The following USH2A variants were observed in gnomAD, a reference collection of about 807,000 sequenced individuals.
USH2A encodes Usher syndrome 2A (autosomal recessive, mild).
USH2A carries 443 observed loss-of-function variants against 538.9 expected under a neutral mutation model. That is an observed-to-expected ratio of 0.82 (90% CI 0.76 to 0.89). USH2A has a LOEUF of 0.89. USH2A is among the 40% of genes least tolerant of loss of function. The probability of loss-of-function intolerance (pLI) is 0.00; values close to 1 mark genes in which losing one functional copy is unlikely to be tolerated. For missense variants in USH2A, 6,633 were observed against 6,324.8 expected (o/e 1.05, Z -1.65); for synonymous variants, 2,413 against 2,273.5 (o/e 1.06, Z -1.75).
intron 21 of USH2A, 109 bp downstream of exon 21, chr1:216,175,143 T>C (rs2034349773): frequency 6.5e-7 from 1 of 1,542,894 alleles, no homozygotes. Flanking sequence ...GCTGAATTAG[T>C]ATTTCTCTAA....
At chr1:215,988,394 T>C (rs1377991203) in intron 35 of USH2A, among the ~76,000 whole-genome samples, 2 of 152,226 alleles carry the variant, frequency 1.3e-5, no homozygotes, top group Non-Finnish European at 2.9e-5. Context: ...TGATATGCCA[T>C]TGTGTAAATA....
chr1:215,913,848 T>C (rs1665876703), intron 38 of USH2A, among the ~76,000 whole-genome samples: 1 of 151,992 alleles, frequency 6.6e-6, no homozygotes, highest in African/African-American at 2.4e-5. Flanking sequence ...CATTCTTATA[T>C]GGATCAATAA....
At chr1:215,712,294 G>A (rs1659358864) in intron 61 of USH2A, among the ~76,000 whole-genome samples, 1 of 152,180 alleles carries the variant, frequency 6.6e-6, no homozygotes, top group South Asian at 2.1e-4. Flanking sequence ...TGATAGCATA[G>A]GTCCTGGTAT....
intron 9 of USH2A, among the ~76,000 whole-genome samples, chr1:216,304,534 T>A (rs568919187): frequency 7.7e-4 from 117 of 152,176 alleles, no homozygotes; most frequent in African/African-American, 1.4e-3. Flanking sequence ...ATACTTTTTT[T>A]AATTTCCTTA....
At chr1:216,195,127 T>C (rs1041056942) in intron 19 of USH2A, among the ~76,000 whole-genome samples, 1 of 152,138 alleles carries the variant, frequency 6.6e-6, no homozygotes, top group Non-Finnish European at 1.5e-5. Context: ...CAAATAGCCA[T>C]GCAGCTAGAG....
chr1:215,943,252 A>G (rs1666681049), intron 37 of USH2A, among the ~76,000 whole-genome samples: 1 of 152,182 alleles, frequency 6.6e-6, no homozygotes, highest in Non-Finnish European at 1.5e-5. Flanking sequence ...TAGTTTGGGA[A>G]AAAATGATAT....
At chr1:216,049,054 C>T (rs1056623538) in intron 30 of USH2A, among the ~76,000 whole-genome samples, 8 of 152,094 alleles carry the variant, frequency 5.3e-5, no homozygotes, top group African/African-American at 1.2e-4. Flanking sequence ...ATTTTTCAAC[C>T]GTATTTAACT....
At chr1:215,732,628 G>A (rs1197566046) in intron 60 of USH2A, among the ~76,000 whole-genome samples, 4 of 120,898 alleles carry the variant, frequency 3.3e-5, no homozygotes, top group South Asian at 2.9e-4. Context: ...TGCAAGCTCC[G>A]CCTCCCAGGT....
chr1:216,393,189 T>G (rs374251817), intron 3 of USH2A, among the ~76,000 whole-genome samples: 1 of 152,202 alleles, frequency 6.6e-6, no homozygotes, highest in Admixed American at 6.5e-5. Context: ...TGATCTTCCA[T>G]GAAGCATACT....
chr1:216,374,132 T>G (rs1427929298), intron 3 of USH2A, among the ~76,000 whole-genome samples: 1 of 148,148 alleles, frequency 6.8e-6, no homozygotes, highest in Non-Finnish European at 1.5e-5. Context: ...AGGGATAGCA[T>G]TGAGAGATAT....
At chr1:215,948,642 T>C (rs78165485) in intron 37 of USH2A, among the ~76,000 whole-genome samples, 4,877 of 152,060 alleles carry the variant, frequency 0.032, 124 homozygotes, top group South Asian at 0.084. Context: ...TAGTTGAATA[T>C]TTAGAAACAC....
At chr1:215,669,188 C>G (rs1468371322) in intron 64 of USH2A, among the ~76,000 whole-genome samples, 1 of 152,114 alleles carries the variant, frequency 6.6e-6, no homozygotes, top group East Asian at 1.9e-4. Context: ...TAATTAGCGG[C>G]TGAAGATTTT....
At chr1:216,310,378 T>C (rs1009233540) in intron 9 of USH2A, among the ~76,000 whole-genome samples, 4 of 152,128 alleles carry the variant, frequency 2.6e-5, no homozygotes, top group African/African-American at 9.7e-5. Context: ...AATCCAAGTA[T>C]ACTTTTAAAT....
At chr1:216,302,281 C>T (rs7523791) in intron 9 of USH2A, among the ~76,000 whole-genome samples, 2,264 of 152,212 alleles carry the variant, frequency 0.015, 51 homozygotes, top group African/African-American at 0.052. Context: ...GCATTTATGA[C>T]ACATTACAGG....
chr1:215,898,426 T>C (rs1665405233), intron 40 of USH2A, among the ~76,000 whole-genome samples: 1 of 152,162 alleles, frequency 6.6e-6, no homozygotes, highest in Non-Finnish European at 1.5e-5. Context: ...GCTATGCTAA[T>C]TGGTATTTTA....
intron 21 of USH2A, among the ~76,000 whole-genome samples, chr1:216,172,964 G>A (rs770043323): frequency 3.9e-5 from 6 of 152,080 alleles, no homozygotes; most frequent in African/African-American, 4.8e-5. Context: ...TCCAATTCAC[G>A]TTTCCACCCT....
chr1:216,089,371 A>T (rs979375819), intron 22 of USH2A, among the ~76,000 whole-genome samples: 1 of 152,124 alleles, frequency 6.6e-6, no homozygotes, highest in African/African-American at 2.4e-5. Context: ...TAAAGGTCTC[A>T]CCTTTGCAGT....
intron 30 of USH2A, among the ~76,000 whole-genome samples, chr1:216,067,516 T>C (rs2031420248): frequency 6.9e-6 from 1 of 145,874 alleles, no homozygotes; most frequent in South Asian, 2.1e-4. Flanking sequence ...AAAAAGGCTA[T>C]GAAAAAGATG....
At chr1:216,122,668 G>A (rs191966337) in intron 21 of USH2A, among the ~76,000 whole-genome samples, 1 of 152,272 alleles carries the variant, frequency 6.6e-6, no homozygotes, top group Admixed American at 6.5e-5. Context: ...TGTACAAAAT[G>A]GAGGCCAGAT....
Sources: gnomAD v4.1 joint callset for allele counts (sites outside exome capture counted in the v4.1 genomes callset) on GRCh38, gnomAD v4.1.1 for gene constraint, MANE v1.5 for transcripts, NCBI Gene and HGNC (gene_info 2026-07-23, HGNC 2026-07-21) for gene names.